The following CNTN5 variants were observed in gnomAD, a reference collection of about 807,000 sequenced individuals.
The protein encoded by CNTN5 is contactin 5.
In CNTN5, 77 loss-of-function variants were observed where a neutral mutation model predicts 129.1. The observed-to-expected ratio is 0.60, with a 90% CI of 0.50 to 0.72. The LOEUF is 0.72. CNTN5 is among the 30% of genes least tolerant of loss of function. The pLI is 0.00. For missense variants in CNTN5, 1,478 were observed against 1,328.8 expected (o/e 1.11, Z -1.75); for synonymous variants, 509 against 465.6 (o/e 1.09, Z -1.20).
At chr11:99,166,811 T>C (rs942927707) in intron 1 of CNTN5, among the ~76,000 whole-genome samples, 3 of 150,730 alleles carry the variant, frequency 2.0e-5, no homozygotes, top group African/African-American at 7.3e-5. Flanking sequence ...TGGTGACCCG[T>C]AAGCCCCAGA....
intron 17 of CNTN5, among the ~76,000 whole-genome samples, chr11:100,268,068 T>A (rs1950339979): frequency 6.6e-6 from 1 of 152,166 alleles, no homozygotes; most frequent in Non-Finnish European, 1.5e-5. Flanking sequence ...GACTGTAAGA[T>A]TTTTGACCTA....
chr11:99,030,182 C>T (rs1863299963), intron 1 of CNTN5, among the ~76,000 whole-genome samples: 1 of 152,054 alleles, frequency 6.6e-6, no homozygotes, highest in East Asian at 1.9e-4. Context: ...ATATTGACTA[C>T]TAACTCATAG....
chr11:99,375,302 CAAAAAAAA>C (rs397848951), intron 2 of CNTN5, among the ~76,000 whole-genome samples: 2 of 53,570 alleles, frequency 3.7e-5, no homozygotes, highest in Admixed American at 3.1e-4. Context: ...GAGTCTGTCT[CAAAAAAAA>C]AAAAAAAAAA....
chr11:100,264,691 A>T (rs1230199155), intron 17 of CNTN5, among the ~76,000 whole-genome samples: 1 of 152,138 alleles, frequency 6.6e-6, no homozygotes, highest in Admixed American at 6.5e-5. Flanking sequence ...TGCAATAAAC[A>T]TATGTGTACA....
chr11:100,042,689 T>A (rs1365703888), intron 9 of CNTN5, among the ~76,000 whole-genome samples: 1 of 152,244 alleles, frequency 6.6e-6, no homozygotes, highest in Non-Finnish European at 1.5e-5. Flanking sequence ...TTCCATACTT[T>A]CAAGAACTAC....
At position 100,096,431 on chromosome 11, in the gene CNTN5, G is replaced by A. The variant is rs190925468; in HGVS notation, c.1580+22137G>A. ...ATATACCCGTATTCTGGGATAGTCC[G>A]TCTACTCGCACCTTTTGCCCTTGGC... On this transcript the variant is annotated intron_variant, in intron 13 of 24. Coordinates refer to ENST00000524871, the MANE Select transcript of CNTN5 (RefSeq NM_014361.4). 2.3e-4 allele frequency among the ~76,000 whole-genome samples: 35 copies of A among 152,080 alleles called. 1 individual carries two copies. In the South Asian group the frequency reaches 2.7e-3, roughly 12 times the overall value.
At chr11:99,548,258 T>A (rs931439184) in intron 2 of CNTN5, among the ~76,000 whole-genome samples, 2 of 152,212 alleles carry the variant, frequency 1.3e-5, no homozygotes, top group Non-Finnish European at 2.9e-5. Flanking sequence ...AATAGTACAT[T>A]GCTAAAAACC....
chr11:99,396,095 A>C (rs1487377106), intron 2 of CNTN5, among the ~76,000 whole-genome samples: 1 of 151,698 alleles, frequency 6.6e-6, no homozygotes, highest in Non-Finnish European at 1.5e-5. Context: ...ATGGTAGTTT[A>C]ATAGGAATGG....
intron 17 of CNTN5, among the ~76,000 whole-genome samples, chr11:100,266,604 C>T (rs1950307089): frequency 6.9e-6 from 1 of 145,798 alleles, no homozygotes; most frequent in Non-Finnish European, 1.5e-5. Flanking sequence ...CTCTTACAAG[C>T]AACAGGGAAT....
At chr11:99,211,069 C>T (rs181688625) in intron 1 of CNTN5, among the ~76,000 whole-genome samples, 3 of 152,224 alleles carry the variant, frequency 2.0e-5, no homozygotes, top group East Asian at 1.9e-4. Context: ...TCACTGTCAC[C>T]TAAAGCTCTC....
intron 3 of CNTN5, among the ~76,000 whole-genome samples, chr11:99,727,973 T>C (rs2135076546): frequency 6.6e-6 from 1 of 152,320 alleles, no homozygotes; most frequent in East Asian, 1.9e-4. Context: ...TGCATTCAGA[T>C]TGATTACTTA....
intron 1 of CNTN5, among the ~76,000 whole-genome samples, chr11:99,136,683 A>G (rs557746985): frequency 1.3e-5 from 2 of 152,140 alleles, no homozygotes; most frequent in African/African-American, 2.4e-5. Context: ...CTTATCAGCT[A>G]TCAAATAAGA....
intron 3 of CNTN5, among the ~76,000 whole-genome samples, chr11:99,769,360 T>G (rs1480020387): frequency 6.6e-6 from 1 of 152,166 alleles, no homozygotes; most frequent in Non-Finnish European, 1.5e-5. Context: ...TTGCTAGTGG[T>G]GATTTAACAC....
At chr11:100,304,198 T>C (rs1951293381) in intron 20 of CNTN5, among the ~76,000 whole-genome samples, 1 of 151,586 alleles carries the variant, frequency 6.6e-6, no homozygotes, top group South Asian at 2.1e-4. Flanking sequence ...GTCCACTACA[T>C]ATCCCAAGAT....
chr11:99,677,219 A>G (rs918005052), intron 3 of CNTN5, among the ~76,000 whole-genome samples: 1 of 152,152 alleles, frequency 6.6e-6, no homozygotes, highest in African/African-American at 2.4e-5. Context: ...CGTCGCTCAG[A>G]CAGGAGAAAA....
intron 1 of CNTN5, among the ~76,000 whole-genome samples, chr11:99,040,532 T>C (rs1230306398): frequency 2.0e-5 from 3 of 152,114 alleles, no homozygotes; most frequent in Non-Finnish European, 4.4e-5. Context: ...AGCTTCACTT[T>C]GAAAAACATG....
chr11:100,306,732 G>C (rs551786937), intron 20 of CNTN5, among the ~76,000 whole-genome samples: 12 of 151,754 alleles, frequency 7.9e-5, no homozygotes, highest in African/African-American at 2.9e-4. Context: ...CAGAATTCTA[G>C]AATAAGATAG....
intron 8 of CNTN5, among the ~76,000 whole-genome samples, chr11:99,975,245 G>C (rs563310620): frequency 1.3e-5 from 2 of 152,288 alleles, no homozygotes; most frequent in African/African-American, 2.4e-5. Context: ...GCAGCAGCAT[G>C]CTCTGGATGT....
chr11:99,834,530 C>G (rs1254190110), intron 4 of CNTN5, among the ~76,000 whole-genome samples: 5 of 151,962 alleles, frequency 3.3e-5, no homozygotes, highest in African/African-American at 1.2e-4. Flanking sequence ...AAAGAAAAGA[C>G]CAAACCACAA....
Sources: allele counts gnomAD v4.1 joint callset (sites outside exome capture counted in the v4.1 genomes callset), GRCh38; gene constraint gnomAD v4.1.1; transcripts MANE v1.5; gene names NCBI Gene and HGNC (gene_info 2026-07-23, HGNC 2026-07-21).